UNKL: variants seen among roughly 807,000 people sequenced by gnomAD.
UNKL encodes putative E3 ubiquitin-protein ligase UNKL.
Under a neutral mutation model 78.0 loss-of-function variants are expected in UNKL, and 60 were observed. The ratio of observed to expected loss-of-function variants is 0.77; its 90% CI spans 0.63 to 0.95. UNKL has a LOEUF of 0.95. Among genes scored for constraint, UNKL ranks in the 40% least tolerant of loss-of-function variants. The pLI is 0.00. For missense variants in UNKL, 1,159 were observed against 1,045.7 expected (o/e 1.11, Z -1.49); for synonymous variants, 608 against 474.8 (o/e 1.28, Z -3.65).
At position 1,366,212 on chromosome 16, in the gene UNKL, C is replaced by T. The variant is rs745788803; in HGVS notation, c.*28G>A. On this transcript the variant is annotated 3_prime_UTR_variant, in exon 15 of 15. Coordinates refer to ENST00000389221, the MANE Select transcript of UNKL (RefSeq NM_001372107.1). ...GGAGGAGCGCTGGAGCCAGGGTGCC[C>T]AGCAGGAGGTGGCTGTCCCCGCTGA... 6 of 1,489,332 alleles carry T rather than the reference C, an allele frequency of 4.0e-6. No individual in the cohort carries two copies. Among genetic ancestry groups the T allele is most frequent in the Non-Finnish European group, 5.4e-6 (6 of 1,111,088 alleles). The allele number at this position is 1,489,332 out of a possible 1,614,324, so 92.3% of individuals were successfully genotyped here.
intron 5 of UNKL, chr16:1,398,986 C>T (rs2037397202): frequency 6.7e-7 from 1 of 1,482,392 alleles, no homozygotes; most frequent in Admixed American, 2.3e-5. Context: ...TGCCTGAGCC[C>T]CTGGCAGCTT....
rs139222440 is a variant in UNKL, at chr16:1,391,335, T to C, written c.1024-641A>G. On this transcript the variant is annotated intron_variant, in intron 8 of 14. Transcript: ENST00000389221. ...ATGCTATTTTTGGTTTTGTTTTGTTTTGAGACAGGATCTCGCTCTGTCTCC... is the reference window on the plus strand; with the variant it reads ...ATGCTATTTTTGGTTTTGTTTTGTTCTGAGACAGGATCTCGCTCTGTCTCC... Among the ~76,000 whole-genome samples, 411 of 152,282 alleles carry C rather than the reference T, an allele frequency of 2.7e-3. 1 individual carries two copies. The highest frequency in any genetic ancestry group is 6.8e-3 in the Middle Eastern group (2 of 294).
chr16:1,409,886 G>C (rs949368873), intron 2 of UNKL, among the ~76,000 whole-genome samples: 1 of 152,016 alleles, frequency 6.6e-6, no homozygotes, highest in African/African-American at 2.4e-5. Flanking sequence ...TTCAAGACCA[G>C]CCTGGCCAAC....
At chr16:1,377,040 C>A (rs894551969) in intron 10 of UNKL, among the ~76,000 whole-genome samples, 1 of 151,964 alleles carries the variant, frequency 6.6e-6, no homozygotes, top group East Asian at 1.9e-4. Context: ...CCCCCCCAAC[C>A]GAGATAGAGT....
intron 6 of UNKL, among the ~76,000 whole-genome samples, chr16:1,396,882 A>C (rs6600140): frequency 0.93 from 141,991 of 152,238 alleles, 66,302 homozygotes; most frequent in East Asian, 1. Context: ...CTGCACCCAG[A>C]CCTGAATATG....
intron 2 of UNKL, chr16:1,405,785 CCCAGCACATGGGCA>C: frequency 2.8e-6 from 1 of 356,022 alleles, no homozygotes; most frequent in Non-Finnish European, 5.7e-6. Context: ...CGTGATTACA[CCCAGCACATGGGCA>C]CCGCTCTGCC....
In UNKL at chr16:1,366,158, AG is replaced by A; in HGVS notation, c.*81del. 1 of 1,396,554 alleles carries A rather than the reference AG, an allele frequency of 7.2e-7. No homozygotes were observed. Among genetic ancestry groups the A allele is most frequent in the Non-Finnish European group, 9.4e-7 (1 of 1,065,464 alleles). 86.5% of individuals were successfully genotyped at this position (1,396,554 alleles called of 1,614,324 possible). A position where few individuals can be genotyped will look rare whatever the true frequency, so the allele number is the denominator to read the frequency against. On this transcript the variant is annotated 3_prime_UTR_variant, in exon 15 of 15. Transcript: ENST00000389221. ...CCTCGGTCCTCACGTCGGTGGCACC[AG>A]AAGCGAGTGACGACATGTCCGTGGT...
intron 12 of UNKL, among the ~76,000 whole-genome samples, chr16:1,369,759 G>A (rs557049008): frequency 6.6e-5 from 10 of 152,178 alleles, no homozygotes; most frequent in East Asian, 1.9e-4. Context: ...GGCAGATCAC[G>A]AGGTCAGGAG....
intron 10 of UNKL, among the ~76,000 whole-genome samples, chr16:1,374,792 G>A (rs2036089838): frequency 6.6e-6 from 1 of 152,166 alleles, no homozygotes; most frequent in Non-Finnish European, 1.5e-5. Context: ...AAAAACAGCT[G>A]GAGAAACAAG....
At position 1,403,290 on chromosome 16, in the gene UNKL, A is replaced by G. The variant is rs912571298; in HGVS notation, c.342T>C (p.Arg114=). ...TGDTERKYHL[R]YYKTGTCIHE... The stretch of plus-strand genomic sequence containing the variant: ...GGATGCAGGTTCCTGTTTTGTAGTA[A>G]CGCAGGTGGTACTTGCGTTCTGTGT... The change falls in exon 3 of 15, where the codon CGT becomes CGC. Residue 114 remains arginine, a synonymous_variant. Transcript: ENST00000389221. This position sits in a 1 kb window ranked among gnomAD's most constrained non-coding sequence, Gnocchi z 4.8. 7 of 1,614,022 alleles carry G rather than the reference A, an allele frequency of 4.3e-6. No individual in the cohort carries two copies. The Admixed American group carries it at 8.3e-5, about 19-fold the overall frequency.
chr16:1,400,033 G>C (rs1048141842), intron 4 of UNKL, among the ~76,000 whole-genome samples: 4 of 152,158 alleles, frequency 2.6e-5, no homozygotes, highest in Non-Finnish European at 5.9e-5. Context: ...GGCAGGGGAG[G>C]CTGAGGGGGC....
chr16:1,414,601 G>C lies in UNKL; in HGVS notation c.77+14C>G. On this transcript the variant is annotated intron_variant, in intron 1 of 14. Coordinates refer to ENST00000389221, the MANE Select transcript of UNKL (RefSeq NM_001372107.1). ...GGGCGCGGGCGGGGGGCCGCAGGCC[G>C]GACGGGCGCTGACCTGTAGTGGGTC... The C allele has an allele frequency of 9.6e-7, 1 of 1,039,426 alleles. No individual in the cohort carries two copies. The highest frequency in any genetic ancestry group is 1.2e-6 in the Non-Finnish European group (1 of 860,216). 64.4% of individuals were successfully genotyped at this position (1,039,426 alleles called of 1,614,324 possible).
chr16:1,403,666 G>C lies in UNKL; in HGVS notation c.288-322C>G, dbSNP rs1265517451. Reference sequence around the variant, plus strand: ...TTCCACAAAGCTCATCCTTCCTAATGTTCCAAATAAACCTTTAAACCTGTG... The same window carrying C: ...TTCCACAAAGCTCATCCTTCCTAATCTTCCAAATAAACCTTTAAACCTGTG... On this transcript the variant is annotated intron_variant, in intron 2 of 14. Transcript: ENST00000389221. The surrounding 1 kb of genome is among the most constrained non-coding windows in gnomAD (Gnocchi z 4.8). Among the ~76,000 whole-genome samples the C allele has an allele frequency of 6.6e-6, 1 of 152,224 alleles. No individual in the cohort carries two copies. Among genetic ancestry groups the C allele is most frequent in the Non-Finnish European group, 1.5e-5 (1 of 68,046 alleles).
At chr16:1,406,138 G>T (rs1474127018) in intron 2 of UNKL, 3 of 441,658 alleles carry the variant, frequency 6.8e-6, no homozygotes, top group South Asian at 3.2e-5. Context: ...AGGCATAGGT[G>T]GGGGGCCCAG....
intron 10 of UNKL, among the ~76,000 whole-genome samples, chr16:1,376,779 C>T (rs556496738): frequency 1.3e-5 from 2 of 152,230 alleles, no homozygotes; most frequent in East Asian, 1.9e-4. Context: ...ATACGAACGT[C>T]CTCATTTGCA....
rs1022454263 is a variant in UNKL, at chr16:1,390,678, G to A, written c.1040C>T (p.Ser347Leu). Reference protein sequence around the residue: ...GQPGNAKRRDSPAEGGPRGSE... With the variant: ...GQPGNAKRRDLPAEGGPRGSE... ...GCCCCTAGGGCCACCCTCGGCCGGC[G>A]AGTCTCTCCGCTTGGCCTGCAACAT... is the stretch of plus-strand genomic sequence containing the variant. Residue 347 changes from serine (S) to leucine (L), a missense_variant, in exon 9 of 15, where the codon TCG becomes TTG. Ser to Leu is a moderately radical substitution (Grantham distance 145). Coordinates refer to ENST00000389221, the MANE Select transcript of UNKL (RefSeq NM_001372107.1). The A allele has an allele frequency of 1.2e-5, 19 of 1,535,920 alleles. No individual in the cohort carries two copies. The highest frequency in any genetic ancestry group is 2.0e-5 in the Admixed American group (1 of 50,966).
rs2037437671 is a variant in UNKL at position 1,399,791 on chromosome 16, A to T, written c.599-282T>A. Among the ~76,000 whole-genome samples, 1 of 152,124 alleles carries T rather than the reference A, an allele frequency of 6.6e-6. No homozygotes were observed. The highest frequency in any genetic ancestry group is 1.5e-5 in the Non-Finnish European group (1 of 68,014). On this transcript the variant is annotated intron_variant, in intron 4 of 14. Transcript: ENST00000389221. The surrounding 1 kb of genome is among the most constrained non-coding windows in gnomAD (Gnocchi z 5.8). ...TGGAGCCGAGACCACCAGGGCTGGGAGGGAGTCCTGCTGTGGGTGTGCGGC... is the reference window on the plus strand; with the variant it reads ...TGGAGCCGAGACCACCAGGGCTGGGTGGGAGTCCTGCTGTGGGTGTGCGGC...
chr16:1,388,377 A>T (rs2036905755), intron 9 of UNKL, among the ~76,000 whole-genome samples: 1 of 152,148 alleles, frequency 6.6e-6, no homozygotes, highest in South Asian at 2.1e-4. Context: ...CAGCACCCTC[A>T]GAAGCCAAGG....
chr16:1,408,348 G>C (rs1164649328), intron 2 of UNKL: 1 of 152,536 alleles, frequency 6.6e-6, no homozygotes, highest in Non-Finnish European at 1.5e-5. Flanking sequence ...CGCAGCGGAG[G>C]GGCGTGTCGC....
Sources: gnomAD v4.1 joint callset for allele counts (sites outside exome capture counted in the v4.1 genomes callset) on GRCh38, gnomAD v4.1.1 for gene constraint, Gnocchi (gnomAD v3.1) non-coding constraint, MANE v1.5 for transcripts, NCBI Gene and HGNC (gene_info 2026-07-23, HGNC 2026-07-21) for gene names.